CADPS2: variants seen among roughly 807,000 people sequenced by gnomAD.
CADPS2 encodes calcium-dependent secretion activator 2.
Under a neutral mutation model 172.5 loss-of-function variants are expected in CADPS2, and 93 were observed. The observed-to-expected ratio is 0.54, with a 90% CI of 0.46 to 0.64. The LOEUF is 0.64. CADPS2 is among the 30% of genes least tolerant of loss of function. The pLI is 0.00. For missense variants in CADPS2, 1,420 were observed against 1,565.9 expected, an observed-to-expected ratio of 0.91 and a Z score of 1.57; for synonymous variants, 546 against 555.2, an observed-to-expected ratio of 0.98 and a Z score of 0.23.
intron 14 of CADPS2, among the ~76,000 whole-genome samples, chr7:122,461,878 G>A (rs2054491180): frequency 6.6e-6 from 1 of 151,738 alleles, no homozygotes; most frequent in African/African-American, 2.4e-5. Context: ...AAAGGTGTGA[G>A]CCACCTCGCC....
intron 28 of CADPS2, chr7:122,328,440 A>T (rs544575516): frequency 3.9e-4 from 59 of 152,340 alleles, no homozygotes; most frequent in African/African-American, 1.1e-3. Context: ...TTTATAAAAC[A>T]ACTTGGTTGA....
At chr7:122,381,134 C>G (rs1004401158) in intron 24 of CADPS2, among the ~76,000 whole-genome samples, 2 of 152,020 alleles carry the variant, frequency 1.3e-5, no homozygotes, top group East Asian at 3.9e-4. Context: ...GACACACTTA[C>G]AAAAAAGGCC....
intron 2 of CADPS2, among the ~76,000 whole-genome samples, chr7:122,735,332 C>T (rs2092073199): frequency 6.6e-6 from 1 of 152,128 alleles, no homozygotes; most frequent in Non-Finnish European, 1.5e-5. Context: ...ACACCCCCAG[C>T]TCCTTCAACT....
intron 7 of CADPS2, among the ~76,000 whole-genome samples, chr7:122,574,217 G>A (rs1168716382): frequency 1.3e-5 from 2 of 151,862 alleles, no homozygotes; most frequent in Admixed American, 6.6e-5. Flanking sequence ...GGGCTGAGGT[G>A]GGAGGATTTC....
At chr7:122,438,231 T>G (rs558452997) in intron 17 of CADPS2, 110 bp downstream of exon 17, 10 of 1,352,826 alleles carry the variant, frequency 7.4e-6, no homozygotes, top group Non-Finnish European at 1.0e-5. Flanking sequence ...ACATTTCCCT[T>G]TGCCATGGCA....
chr7:122,341,247 C>T (rs977615311), intron 28 of CADPS2, among the ~76,000 whole-genome samples: 3 of 152,208 alleles, frequency 2.0e-5, no homozygotes, highest in Admixed American at 1.3e-4. Flanking sequence ...ACTGCACATG[C>T]TACTGCTTCT....
intron 3 of CADPS2, among the ~76,000 whole-genome samples, chr7:122,657,285 A>G (rs2079921826): frequency 6.6e-6 from 1 of 152,276 alleles, no homozygotes; most frequent in Admixed American, 6.5e-5. Context: ...TTGTCTTGGC[A>G]ATGCAGGCTC....
chr7:122,776,871 C>G (rs187158782), intron 1 of CADPS2, among the ~76,000 whole-genome samples: 1 of 152,134 alleles, frequency 6.6e-6, no homozygotes, highest in Non-Finnish European at 1.5e-5. Flanking sequence ...AACAAGAAGG[C>G]CAGGTGCAGT....
chr7:122,759,630 T>A (rs1310166511), intron 1 of CADPS2, among the ~76,000 whole-genome samples: 1 of 152,128 alleles, frequency 6.6e-6, no homozygotes, highest in Non-Finnish European at 1.5e-5. Flanking sequence ...TACATAGTCA[T>A]TATACTGATT....
At chr7:122,569,267 A>G (rs2066875728) in intron 7 of CADPS2, among the ~76,000 whole-genome samples, 1 of 152,124 alleles carries the variant, frequency 6.6e-6, no homozygotes, top group African/African-American at 2.4e-5. Flanking sequence ...ATCATGAGTG[A>G]ACTCCCATTC....
At position 122,451,478 on chromosome 7, in the gene CADPS2, G is replaced by GA. The variant is rs755271961; in HGVS notation, c.2187-4dup. ...AAACAGTCCCAATTCCATCAGGCCT[G>GA]AAAAAAAAATCAGAATCAATAATTC... On this transcript the variant is annotated splice_polypyrimidine_tract_variant and splice_region_variant and intron_variant, in intron 14 of 29. Coordinates refer to ENST00000449022, the MANE Select transcript of CADPS2 (RefSeq NM_017954.11). The GA allele has an allele frequency of 2.3e-3, 3,297 of 1,445,276 alleles. No homozygotes were observed. Among genetic ancestry groups the GA allele is most frequent in the South Asian group, 2.5e-3 (185 of 73,864 alleles). The allele number at this position is 1,445,276 out of a possible 1,614,324, so 89.5% of individuals were successfully genotyped here.
intron 1 of CADPS2, among the ~76,000 whole-genome samples, chr7:122,831,583 C>G (rs1292074873): frequency 6.6e-6 from 1 of 152,140 alleles, no homozygotes; most frequent in Non-Finnish European, 1.5e-5. Context: ...CACATTAAGT[C>G]CCTGGAATTC....
At chr7:122,482,720 G>A (rs2057430873) in intron 11 of CADPS2, among the ~76,000 whole-genome samples, 1 of 152,138 alleles carries the variant, frequency 6.6e-6, no homozygotes, top group South Asian at 2.1e-4. Context: ...CAGGAACCCA[G>A]GAAAAGCCCA....
intron 2 of CADPS2, among the ~76,000 whole-genome samples, chr7:122,669,289 C>T (rs1251597769): frequency 1.5e-4 from 22 of 151,420 alleles, no homozygotes; most frequent in Admixed American, 1.4e-3. Context: ...CATGATCACA[C>T]CACTGCACTC....
At chr7:122,837,100 A>C (rs1285373007) in intron 1 of CADPS2, among the ~76,000 whole-genome samples, 1 of 152,076 alleles carries the variant, frequency 6.6e-6, no homozygotes, top group African/African-American at 2.4e-5. Context: ...AGTGCAATCA[A>C]ACTAGAACTC....
chr7:122,359,999 T>C (rs10487225), intron 27 of CADPS2, among the ~76,000 whole-genome samples: 6,547 of 152,276 alleles, frequency 0.043, 203 homozygotes, highest in Non-Finnish European at 0.06. Context: ...AGATATAATG[T>C]TCTTCAAATA....
At chr7:122,591,475 G>C (rs947051918) in intron 6 of CADPS2, among the ~76,000 whole-genome samples, 11 of 151,904 alleles carry the variant, frequency 7.2e-5, no homozygotes, top group Non-Finnish European at 1.5e-4. Context: ...TCACAGAATT[G>C]GAAAAAACTA....
intron 1 of CADPS2, among the ~76,000 whole-genome samples, chr7:122,876,212 T>C (rs973367289): frequency 6.6e-6 from 1 of 152,000 alleles, no homozygotes; most frequent in African/African-American, 2.4e-5. Context: ...CCCAGCTACT[T>C]GGGAGGCTGA....
Position 122,718,050 on chromosome 7 carries a change from G to A in CADPS2, c.453+18905C>T, listed in dbSNP as rs77992379. ...TCTCTATATTGCCCAGACTGGTCTCGAACTCCTGGACTCAAAGCGATCCTC... is the reference window on the plus strand; with the variant it reads ...TCTCTATATTGCCCAGACTGGTCTCAAACTCCTGGACTCAAAGCGATCCTC... On this transcript the variant is annotated intron_variant, in intron 2 of 29. Coordinates refer to ENST00000449022, the MANE Select transcript of CADPS2 (RefSeq NM_017954.11). Among the ~76,000 whole-genome samples the A allele has an allele frequency of 4.9e-3, 594 of 121,178 alleles. 2 individuals carry two copies. The highest frequency in any genetic ancestry group is 7.4e-3 in the Non-Finnish European group (463 of 62,896). 79.5% of individuals were successfully genotyped at this position (121,178 alleles called of 152,430 possible).
Sources: allele counts gnomAD v4.1 joint callset (sites outside exome capture counted in the v4.1 genomes callset), GRCh38; gene constraint gnomAD v4.1.1; transcripts MANE v1.5; gene names NCBI Gene and HGNC (gene_info 2026-07-23, HGNC 2026-07-21).